DOK6: variants seen among roughly 807,000 people sequenced by gnomAD.
The protein encoded by DOK6 is downstream of tyrosine kinase 6.
A neutral mutation model predicts 44.0 loss-of-function variants in DOK6; 22 were observed. The observed-to-expected ratio is 0.50, with a 90% CI of 0.36 to 0.71. The LOEUF (loss-of-function observed/expected upper bound fraction) is 0.71, where lower values mean the gene tolerates loss of function less well. Ranked by LOEUF, DOK6 falls within the 30% of genes least tolerant of loss-of-function variation. The pLI is 0.00. For missense variants in DOK6, 340 were observed against 416.4 expected, an observed-to-expected ratio of 0.82 and a Z score of 1.60; for synonymous variants, 166 against 145.5, an observed-to-expected ratio of 1.14 and a Z score of -1.01.
intron 1 of DOK6, among the ~76,000 whole-genome samples, chr18:69,546,483 A>G (rs968676872): frequency 2.6e-5 from 4 of 151,518 alleles, no homozygotes; most frequent in African/African-American, 4.8e-5. Context: ...TAAAACACTT[A>G]AATAAAACCA....
chr18:69,762,592 T>TA (rs1334950085), intron 7 of DOK6, among the ~76,000 whole-genome samples: 1 of 152,216 alleles, frequency 6.6e-6, no homozygotes, highest in African/African-American at 2.4e-5. Flanking sequence ...CTGAGATCAA[T>TA]ATGAATTAAA....
intron 2 of DOK6, among the ~76,000 whole-genome samples, chr18:69,579,032 C>T (rs1983302981): frequency 6.6e-6 from 1 of 152,072 alleles, no homozygotes; most frequent in Non-Finnish European, 1.5e-5. Flanking sequence ...AATTTGCAGA[C>T]TGAGAAAAAA....
At chr18:69,474,964 T>C (rs1242580113) in intron 1 of DOK6, among the ~76,000 whole-genome samples, 2 of 152,202 alleles carry the variant, frequency 1.3e-5, no homozygotes, top group Non-Finnish European at 2.9e-5. Flanking sequence ...ATGATTCATA[T>C]TTAAAATTTA....
chr18:69,759,809 T>C (rs950378752), intron 7 of DOK6, among the ~76,000 whole-genome samples: 2 of 152,202 alleles, frequency 1.3e-5, no homozygotes, highest in African/African-American at 4.8e-5. Flanking sequence ...AATTACAATT[T>C]ACTTAATCTC....
At chr18:69,733,011 T>G (rs1319726963) in intron 5 of DOK6, among the ~76,000 whole-genome samples, 2 of 152,036 alleles carry the variant, frequency 1.3e-5, no homozygotes, top group Non-Finnish European at 2.9e-5. Context: ...GAAGGGGAAG[T>G]AAGCATGTCT....
chr18:69,727,437 TGAAAAGAGCCTCTTTA>T (rs1978315598), intron 5 of DOK6, among the ~76,000 whole-genome samples: 1 of 152,180 alleles, frequency 6.6e-6, no homozygotes, highest in African/African-American at 2.4e-5. Flanking sequence ...TTTCTGACAA[TGAAAAGAGCCTCTTTA>T]GTGATAATGT....
chr18:69,826,368 C>T lies in DOK6; in HGVS notation c.857-14876C>T, dbSNP rs150312956. Among the ~76,000 whole-genome samples the T allele has an allele frequency of 2.5e-3, 385 of 152,198 alleles. 3 individuals carry two copies. The highest frequency in any genetic ancestry group is 8.8e-3 in the African/African-American group (365 of 41,516). On this transcript the variant is annotated intron_variant, in intron 7 of 7. Transcript: ENST00000382713. ...TAGCAGTTACTCTGAACGTACATTT[C>T]TTTAGCCAAAAACATTAGTATTTAA...
intron 2 of DOK6, among the ~76,000 whole-genome samples, chr18:69,596,226 C>T (rs1983737249): frequency 6.6e-6 from 1 of 151,974 alleles, no homozygotes; most frequent in South Asian, 2.1e-4. Context: ...ATTGGATTGG[C>T]CCCATATGTG....
chr18:69,748,796 T>A (rs1025645881), intron 6 of DOK6, among the ~76,000 whole-genome samples: 3 of 152,202 alleles, frequency 2.0e-5, no homozygotes, highest in African/African-American at 4.8e-5. Context: ...CCAGTCATCC[T>A]ATTACTGGAT....
intron 7 of DOK6, among the ~76,000 whole-genome samples, chr18:69,837,304 G>A (rs1339238990): frequency 6.6e-6 from 1 of 152,168 alleles, no homozygotes; most frequent in Non-Finnish European, 1.5e-5. Flanking sequence ...TGAGGGGCAA[G>A]ACAGGATGAG....
intron 1 of DOK6, among the ~76,000 whole-genome samples, chr18:69,457,819 C>A (rs1162665737): frequency 6.6e-6 from 1 of 152,100 alleles, no homozygotes; most frequent in Admixed American, 6.6e-5. Context: ...ATTTGAGCAG[C>A]ATTTGGTAGT....
intron 5 of DOK6, among the ~76,000 whole-genome samples, chr18:69,732,375 G>A (rs1293461348): frequency 6.6e-6 from 1 of 152,024 alleles, no homozygotes; most frequent in East Asian, 1.9e-4. Flanking sequence ...ATATAATAAG[G>A]ATAATGGTAA....
chr18:69,512,332 C>CTTTTTTTTTTTTTTTT (rs548031851), intron 1 of DOK6, among the ~76,000 whole-genome samples: 1 of 91,690 alleles, frequency 1.1e-5, no homozygotes, highest in African/African-American at 4.7e-5. Context: ...CTTTCTTCTT[C>CTTTTTTTTTTTTTTTT]TTTTTTTTTT....
intron 1 of DOK6, among the ~76,000 whole-genome samples, chr18:69,513,352 G>A (rs746804130): frequency 1.3e-5 from 2 of 152,110 alleles, no homozygotes; most frequent in Admixed American, 6.5e-5. Flanking sequence ...CTTTGAGCAC[G>A]TGCGTGGGTG....
At chr18:69,423,960 T>C (rs896856989) in intron 1 of DOK6, among the ~76,000 whole-genome samples, 1 of 152,236 alleles carries the variant, frequency 6.6e-6, no homozygotes, top group African/African-American at 2.4e-5. Context: ...TAAATAATAT[T>C]TGCTATTGAA....
chr18:69,747,090 CA>C (rs879505635), intron 6 of DOK6, among the ~76,000 whole-genome samples: 1 of 152,176 alleles, frequency 6.6e-6, no homozygotes, highest in Admixed American at 6.5e-5. Context: ...GTTCAGATGG[CA>C]TATTTGTTGA....
chr18:69,693,953 G>A (rs529990094), intron 4 of DOK6, among the ~76,000 whole-genome samples: 2,412 of 150,940 alleles, frequency 0.016, 34 homozygotes, highest in Non-Finnish European at 0.026. Context: ...CAGCTACTCG[G>A]GAGGCTGAGG....
rs138922583 is a variant in DOK6, at chr18:69,487,245, TG to T, written c.67-77236del. 1.3e-3 allele frequency among the ~76,000 whole-genome samples: 176 copies of T among 135,614 alleles called. 2 individuals carry two copies. The East Asian group carries it at 0.035, about 27-fold the overall frequency. The allele number at this position is 135,614 out of a possible 152,430, so 89.0% of individuals were successfully genotyped here. A position where few individuals can be genotyped will look rare whatever the true frequency, so the allele number is the denominator to read the frequency against. On this transcript the variant is annotated intron_variant, in intron 1 of 7. Coordinates refer to ENST00000382713, the MANE Select transcript of DOK6 (RefSeq NM_152721.6). Reference sequence around the variant, plus strand: ...TGTCTGTCTGTGTGTGTGTGTGTGTTGGGGGGTATCAGCCCTCACTTTTCAA... The same window carrying T: ...TGTCTGTCTGTGTGTGTGTGTGTGTTGGGGGTATCAGCCCTCACTTTTCAA...
At chr18:69,822,965 G>A (rs757000382) in intron 7 of DOK6, among the ~76,000 whole-genome samples, 1 of 151,974 alleles carries the variant, frequency 6.6e-6, no homozygotes, top group African/African-American at 2.4e-5. Context: ...TTTTATAAAG[G>A]ATTGTCATTT....
Sources: allele counts gnomAD v4.1 joint callset (sites outside exome capture counted in the v4.1 genomes callset), GRCh38; gene constraint gnomAD v4.1.1; transcripts MANE v1.5; gene names NCBI Gene and HGNC (gene_info 2026-07-23, HGNC 2026-07-21).